The following ATP9B variants were observed in gnomAD, a reference collection of about 807,000 sequenced individuals.
ATP9B encodes the protein probable phospholipid-transporting ATPase IIB.
Under a neutral mutation model 146.1 loss-of-function variants are expected in ATP9B, and 110 were observed. The observed-to-expected ratio is 0.75, with a 90% confidence interval of 0.65 to 0.88. ATP9B has a LOEUF of 0.88. ATP9B is among the 40% of genes least tolerant of loss of function. The probability of loss-of-function intolerance (pLI) is 0.00; values close to 1 mark genes in which losing one functional copy is unlikely to be tolerated. For missense variants in ATP9B, 1,499 were observed against 1,496.4 expected (o/e 1.00, Z -0.03); for synonymous variants, 604 against 569.7 (o/e 1.06, Z -0.86).
At chr18:79,150,970 C>T (rs1325668452) in intron 6 of ATP9B, among the ~76,000 whole-genome samples, 1 of 152,158 alleles carries the variant, frequency 6.6e-6, no homozygotes, top group Non-Finnish European at 1.5e-5. Flanking sequence ...AAATGTAAGA[C>T]AGTTCATGCC....
Position 79,164,810 on chromosome 18 carries a change from T to C in ATP9B, c.778+10255T>C, listed in dbSNP as rs528678493. Among the ~76,000 whole-genome samples, 119 of 152,292 alleles carry C rather than the reference T, an allele frequency of 7.8e-4. No homozygotes were observed. The South Asian group carries it at 0.024, about 31-fold the overall frequency. ...GCTAGAAGCTATAATTAGTTGAAAA[T>C]GCATCAGCTAGGAGAGAAAAGCATT... On this transcript the variant is annotated intron_variant, in intron 7 of 29. Transcript: ENST00000426216.
intron 6 of ATP9B, among the ~76,000 whole-genome samples, chr18:79,150,076 T>G (rs1454232677): frequency 2.2e-5 from 3 of 137,948 alleles, no homozygotes; most frequent in African/African-American, 9.4e-5. Context: ...CAAGACTGTA[T>G]CTCAAAAAAT....
intron 1 of ATP9B, among the ~76,000 whole-genome samples, chr18:79,086,639 T>C (rs989507476): frequency 6.6e-6 from 1 of 152,058 alleles, no homozygotes; most frequent in African/African-American, 2.4e-5. Context: ...ATTTTTGGGT[T>C]TGCATTTATA....
intron 1 of ATP9B, among the ~76,000 whole-genome samples, chr18:79,094,275 C>A (rs2146727121): frequency 6.6e-6 from 1 of 152,318 alleles, no homozygotes; most frequent in South Asian, 2.1e-4. Flanking sequence ...CCTGGGACTT[C>A]TGTTGATTCA....
At chr18:79,167,727 G>A (rs2094995414) in intron 7 of ATP9B, among the ~76,000 whole-genome samples, 1 of 152,194 alleles carries the variant, frequency 6.6e-6, no homozygotes, top group Non-Finnish European at 1.5e-5. Flanking sequence ...TGGCTGTATG[G>A]TCATCAATGA....
intron 1 of ATP9B, among the ~76,000 whole-genome samples, chr18:79,093,075 G>C (rs1253560574): frequency 6.6e-6 from 1 of 152,122 alleles, no homozygotes; most frequent in Admixed American, 6.6e-5. Context: ...TACTGTGAAC[G>C]TTATTATGGC....
chr18:79,365,205 A>G lies in ATP9B; in HGVS notation c.3012+5743A>G, dbSNP rs191186510. 1.1e-4 allele frequency among the ~76,000 whole-genome samples: 17 copies of G among 152,360 alleles called. No individual in the cohort carries two copies. The East Asian group carries it at 2.7e-3, about 24-fold the overall frequency. On this transcript the variant is annotated intron_variant, in intron 26 of 29. Transcript: ENST00000426216. Reference sequence around the variant, plus strand: ...GTTTTTAAAGTAGACAGAAGATATTAACAGACACCACCCCAGAGATAATCC... The same window carrying G: ...GTTTTTAAAGTAGACAGAAGATATTGACAGACACCACCCCAGAGATAATCC...
At chr18:79,336,536 A>G in intron 17 of ATP9B, 92 bp from the exon 18 acceptor site, 2 of 1,157,496 alleles carry the variant, frequency 1.7e-6, no homozygotes, top group Non-Finnish European at 2.5e-6. Flanking sequence ...AGGGCAGGGC[A>G]CCAGCAATCA....
At chr18:79,197,214 A>G (rs2095425002) in intron 9 of ATP9B, among the ~76,000 whole-genome samples, 1 of 152,186 alleles carries the variant, frequency 6.6e-6, no homozygotes, top group South Asian at 2.1e-4. Flanking sequence ...TAAATATATT[A>G]ATCAATTTTT....
chr18:79,289,670 TGGA>T (rs1218903379), intron 13 of ATP9B, among the ~76,000 whole-genome samples: 1 of 152,230 alleles, frequency 6.6e-6, no homozygotes, highest in Non-Finnish European at 1.5e-5. Context: ...TGTGTTCCTT[TGGA>T]GGAGGAGAGG....
chr18:79,238,488 A>C (rs2095862125), intron 11 of ATP9B, among the ~76,000 whole-genome samples: 1 of 152,094 alleles, frequency 6.6e-6, no homozygotes, highest in African/African-American at 2.4e-5. Flanking sequence ...GACTCTGAGG[A>C]CCAGGTTGCT....
intron 7 of ATP9B, among the ~76,000 whole-genome samples, chr18:79,157,367 G>A (rs1244637928): frequency 8.0e-6 from 1 of 125,758 alleles, no homozygotes; most frequent in Non-Finnish European, 1.6e-5. Context: ...ATGCACTCCA[G>A]GCTGGGTGAC....
At chr18:79,163,669 A>G (rs1225738192) in intron 7 of ATP9B, among the ~76,000 whole-genome samples, 2 of 152,086 alleles carry the variant, frequency 1.3e-5, no homozygotes, top group Admixed American at 1.3e-4. Context: ...AGCTCGTGCA[A>G]TATATTTTTT....
chr18:79,225,145 CAA>C (rs1568441616), intron 11 of ATP9B, among the ~76,000 whole-genome samples: 3 of 152,174 alleles, frequency 2.0e-5, no homozygotes, highest in African/African-American at 7.2e-5. Context: ...AAAACCTTGA[CAA>C]ATCTGATTTT....
intron 23 of ATP9B, among the ~76,000 whole-genome samples, chr18:79,346,566 G>A (rs991507867): frequency 9.0e-6 from 1 of 110,614 alleles, no homozygotes; most frequent in African/African-American, 3.5e-5. Context: ...GTCAGCGCAC[G>A]TCAGCACGTG....
At chr18:79,254,167 GCAA>G (rs1330704592) in intron 12 of ATP9B, 1 of 152,284 alleles carries the variant, frequency 6.6e-6, no homozygotes, top group Non-Finnish European at 1.5e-5. Context: ...ATAGGAATGA[GCAA>G]CTGAAACCTA....
intron 15 of ATP9B, among the ~76,000 whole-genome samples, chr18:79,324,992 G>A (rs2096736271): frequency 6.6e-6 from 1 of 152,222 alleles, no homozygotes; most frequent in Non-Finnish European, 1.5e-5. Context: ...AACCAGTGGG[G>A]CTGGAGAGCC....
intron 13 of ATP9B, among the ~76,000 whole-genome samples, chr18:79,285,558 T>G (rs886260407): frequency 2.6e-4 from 39 of 152,228 alleles, no homozygotes; most frequent in Admixed American, 1.6e-3. Context: ...TTTCTCCCAT[T>G]TTGTAGGTTG....
In ATP9B at chr18:79,307,210, C is replaced by T; in HGVS notation, c.1749C>T (p.Thr583=). Residue 583 remains threonine, a synonymous_variant, in exon 15 of 30, where the codon ACC becomes ACT. Transcript: ENST00000426216. The part of the protein sequence containing the change: ...ADQDFSDENR[T]YQASSPDEVA... The stretch of plus-strand genomic sequence containing the variant: ...AAGACTTCAGTGATGAGAATCGCAC[C>T]TACCAGGCTTCCAGCCCGGATGAGG... The T allele has an allele frequency of 6.2e-7, 1 of 1,614,230 alleles. No homozygotes were observed. The highest frequency in any genetic ancestry group is 8.5e-7 in the Non-Finnish European group (1 of 1,180,038).
Sources: gnomAD v4.1 joint callset for allele counts (sites outside exome capture counted in the v4.1 genomes callset) on GRCh38, gnomAD v4.1.1 for gene constraint, MANE v1.5 for transcripts, NCBI Gene and HGNC (gene_info 2026-07-23, HGNC 2026-07-21) for gene names.